The following KSR2 variants were observed in gnomAD, a reference collection of about 807,000 sequenced individuals.
The protein encoded by KSR2 is kinase suppressor of ras 2.
A neutral mutation model predicts 107.8 loss-of-function variants in KSR2; 25 were observed. The ratio of observed to expected loss-of-function variants is 0.23; its 90% CI spans 0.17 to 0.32. The LOEUF is 0.32. Ranked by LOEUF, KSR2 falls within the 10% of genes least tolerant of loss-of-function variation. The pLI, the probability that KSR2 is intolerant of heterozygous loss-of-function variation, is 1.00. For missense variants in KSR2, 887 were observed against 1,268.9 expected, an observed-to-expected ratio of 0.70 and a Z score of 4.57; for synonymous variants, 480 against 507.0, an observed-to-expected ratio of 0.95 and a Z score of 0.71.
intron 1 of KSR2, among the ~76,000 whole-genome samples, chr12:117,909,748 CAA>C (rs111696436): frequency 6.0e-4 from 85 of 142,068 alleles, no homozygotes; most frequent in East Asian, 1.2e-3. Context: ...ACTAAAAATA[CAA>C]AAAAAAAAAA....
chr12:117,634,313 T>C (rs1882950069), intron 5 of KSR2, among the ~76,000 whole-genome samples: 1 of 152,130 alleles, frequency 6.6e-6, no homozygotes, highest in Non-Finnish European at 1.5e-5. Flanking sequence ...TTGTCATTCA[T>C]CTAATGGAAG....
At chr12:117,734,802 C>A (rs1887878944) in intron 4 of KSR2, among the ~76,000 whole-genome samples, 1 of 144,776 alleles carries the variant, frequency 6.9e-6, no homozygotes, top group Non-Finnish European at 1.5e-5. Context: ...GTCCTTCCAT[C>A]TGGCATACAG....
At position 117,462,859 on chromosome 12, in the gene KSR2, A is replaced by C. The variant is rs1410024382; in HGVS notation, c.*4340T>G. ...GGGAATAAAATCACAGAGCGTTGGA[A>C]CCCTAATCTAATAAGATTGTTGTCT... On this transcript the variant is annotated 3_prime_UTR_variant, in exon 20 of 20. Transcript: ENST00000339824. 6.6e-6 allele frequency: 1 copy of C among 152,132 alleles called. No homozygotes were observed. Among genetic ancestry groups the C allele is most frequent in the Non-Finnish European group, 1.5e-5 (1 of 68,042 alleles). 9.4% of individuals were successfully genotyped at this position (152,132 alleles called of 1,614,324 possible). A position where few individuals can be genotyped will look rare whatever the true frequency, so the allele number is the denominator to read the frequency against.
intron 3 of KSR2, among the ~76,000 whole-genome samples, chr12:117,822,314 T>C (rs576654793): frequency 6.6e-6 from 1 of 152,340 alleles, no homozygotes; most frequent in East Asian, 1.9e-4. Context: ...GGACTCGCCC[T>C]GAATTCTTTC....
intron 4 of KSR2, among the ~76,000 whole-genome samples, chr12:117,734,753 C>G (rs7971532): frequency 0.89 from 132,528 of 148,086 alleles, 59,611 homozygotes; most frequent in African/African-American, 0.97. Flanking sequence ...TGCATGCATG[C>G]ATGGATGGAT....
chr12:117,729,922 T>C (rs1887590235), intron 4 of KSR2, among the ~76,000 whole-genome samples: 1 of 152,212 alleles, frequency 6.6e-6, no homozygotes, highest in Non-Finnish European at 1.5e-5. Flanking sequence ...CTGATGATCA[T>C]GACTTCAGCC....
chr12:117,470,275 A>G (rs978888811), intron 18 of KSR2, among the ~76,000 whole-genome samples: 5 of 147,350 alleles, frequency 3.4e-5, no homozygotes, highest in African/African-American at 1.3e-4. Context: ...TCACTCTTCC[A>G]TCCTTCATCC....
chr12:117,597,665 T>C lies in KSR2; in HGVS notation c.1172-15306A>G, dbSNP rs76834964. ...CGACCTCCGGAATGATTAAAAAATA[T>C]GTTTGTGTTGCTTTCAGCCACTGAT... On this transcript the variant is annotated intron_variant, in intron 5 of 19. Transcript: ENST00000339824. Among the ~76,000 whole-genome samples the C allele has an allele frequency of 5.1e-3, 772 of 152,328 alleles. 5 individuals are homozygous for C. The highest frequency in any genetic ancestry group is 0.018 in the African/African-American group (751 of 41,578).
chr12:117,708,424 C>T (rs1001113334), intron 4 of KSR2, among the ~76,000 whole-genome samples: 2 of 152,046 alleles, frequency 1.3e-5, no homozygotes, highest in African/African-American at 4.8e-5. Context: ...GTAGTAGCAC[C>T]AGAACCTGAA....
At chr12:117,880,165 C>A (rs1456067498) in intron 1 of KSR2, among the ~76,000 whole-genome samples, 1 of 151,888 alleles carries the variant, frequency 6.6e-6, no homozygotes, top group African/African-American at 2.4e-5. Context: ...AACAAACAAA[C>A]AAAAAAGATT....
At chr12:117,825,040 G>C (rs1461107947) in intron 3 of KSR2, among the ~76,000 whole-genome samples, 2 of 151,770 alleles carry the variant, frequency 1.3e-5, no homozygotes, top group Non-Finnish European at 2.9e-5. Flanking sequence ...AAATTAGCCA[G>C]GCATAGTGGC....
At chr12:117,852,323 G>A (rs1046710533) in intron 3 of KSR2, among the ~76,000 whole-genome samples, 2 of 152,026 alleles carry the variant, frequency 1.3e-5, no homozygotes, top group Admixed American at 6.6e-5. Flanking sequence ...AGTTACTCGG[G>A]AGGCTAAGGC....
intron 3 of KSR2, among the ~76,000 whole-genome samples, chr12:117,770,597 C>A (rs899344268): frequency 1.1e-4 from 17 of 151,976 alleles, no homozygotes; most frequent in African/African-American, 3.4e-4. Flanking sequence ...ACATAAAAGC[C>A]TGCCTGTGGA....
intron 1 of KSR2, among the ~76,000 whole-genome samples, chr12:117,894,858 T>C (rs1417693706): frequency 6.6e-6 from 1 of 151,512 alleles, no homozygotes; most frequent in Admixed American, 6.6e-5. Context: ...CTAAACATCC[T>C]ATGGAACTGT....
intron 1 of KSR2, among the ~76,000 whole-genome samples, chr12:117,863,502 T>C (rs999886909): frequency 1.3e-5 from 2 of 152,178 alleles, no homozygotes; most frequent in Non-Finnish European, 2.9e-5. Context: ...AATTCTCTTC[T>C]TTTGCTTAAG....
intron 4 of KSR2, among the ~76,000 whole-genome samples, chr12:117,738,645 C>G (rs985430989): frequency 6.6e-6 from 1 of 151,550 alleles, no homozygotes; most frequent in African/African-American, 2.4e-5. Flanking sequence ...GAGGCTGAGG[C>G]GGGCGGATTA....
chr12:117,622,125 A>G lies in KSR2; in HGVS notation c.1172-39766T>C, dbSNP rs539325866. ...GGGGCAGTTGATGGGAGAATTTGAG[A>G]CCATTTTCATCAGTGACTCCCAATG... On this transcript the variant is annotated intron_variant, in intron 5 of 19. Coordinates refer to ENST00000339824, the MANE Select transcript of KSR2 (RefSeq NM_173598.6). Among the ~76,000 whole-genome samples the G allele has an allele frequency of 3.8e-4, 58 of 152,106 alleles. 1 individual carries two copies. In the South Asian group the frequency reaches 0.011, roughly 30 times the overall value.
At chr12:117,602,729 G>T (rs764939027) in intron 5 of KSR2, among the ~76,000 whole-genome samples, 5 of 152,122 alleles carry the variant, frequency 3.3e-5, no homozygotes, top group Non-Finnish European at 7.4e-5. Context: ...ATAGGTATTT[G>T]TTTGAAAACC....
chr12:117,586,495 G>A (rs1276887168), intron 5 of KSR2, among the ~76,000 whole-genome samples: 2 of 151,206 alleles, frequency 1.3e-5, no homozygotes, highest in East Asian at 1.9e-4. Context: ...GCTGAGGCAG[G>A]AGAATCACTT....
Sources: gnomAD v4.1 joint callset for allele counts (sites outside exome capture counted in the v4.1 genomes callset) on GRCh38, gnomAD v4.1.1 for gene constraint, MANE v1.5 for transcripts, NCBI Gene and HGNC (gene_info 2026-07-23, HGNC 2026-07-21) for gene names.